PMS2: variants seen among roughly 807,000 people sequenced by gnomAD.
The protein encoded by PMS2 is PMS1 homolog 2, mismatch repair system component, also known as mismatch repair endonuclease PMS2.
Under a neutral mutation model 90.0 loss-of-function variants are expected in PMS2, and 69 were observed. The observed-to-expected ratio is 0.77, with a 90% CI of 0.63 to 0.94. The LOEUF is 0.94. PMS2 is among the 40% of genes least tolerant of loss of function. The probability of loss-of-function intolerance (pLI) is 0.00; values close to 1 mark genes in which losing one functional copy is unlikely to be tolerated. For missense variants in PMS2, 966 were observed against 1,040.2 expected, an observed-to-expected ratio of 0.93 and a Z score of 0.98; for synonymous variants, 332 against 375.1, an observed-to-expected ratio of 0.89 and a Z score of 1.33.
At chr7:5,976,051 C>T (rs570568880) in intron 14 of PMS2, among the ~76,000 whole-genome samples, 2 of 144,774 alleles carry the variant, frequency 1.4e-5, no homozygotes, top group Admixed American at 1.4e-4. Context: ...CCAGCCTGAC[C>T]AACATGGTGA....
rs1583363851 is a variant in PMS2, at chr7:5,995,575, G to A, written c.862C>T (p.Gln288Ter). 4 of 1,614,006 alleles carry A rather than the reference G, an allele frequency of 2.5e-6. No homozygotes were observed. The highest frequency in any genetic ancestry group is 1.6e-4 in the Middle Eastern group (1 of 6,062). ...HGVGRSSTDR[Q>*]FFFINRRPCD... The stretch of plus-strand genomic sequence containing the variant: ...GGCCGCCGGTTGATAAAGAAAAACT[G>A]TCTGTCTGTTGAACTCCTTCCAACT... Residue 288 changes from glutamine (Q) to a stop codon, truncating the protein, a stop_gained, in exon 8 of 15, where the codon CAG becomes TAG. Coordinates refer to ENST00000265849, the MANE Select transcript of PMS2 (RefSeq NM_000535.7). LOFTEE classifies it high-confidence loss of function.
intron 9 of PMS2, 58 bp downstream of exon 9, chr7:5,991,915 T>C (rs2128754482): frequency 2.4e-6 from 2 of 848,394 alleles, no homozygotes; most frequent in South Asian, 2.7e-5. Context: ...CTGTAGAATT[T>C]CATTTTATTC....
chr7:5,994,499 C>T (rs1463909116), intron 8 of PMS2, among the ~76,000 whole-genome samples: 8 of 151,960 alleles, frequency 5.3e-5, no homozygotes, highest in East Asian at 1.9e-4. Flanking sequence ...ATCTGCTGGG[C>T]GCGGTGGCTC....
At chr7:6,007,502 C>T (rs1785942089) in intron 1 of PMS2, among the ~76,000 whole-genome samples, 2 of 152,170 alleles carry the variant, frequency 1.3e-5, no homozygotes, top group Non-Finnish European at 1.5e-5. Flanking sequence ...GTCTAAACCG[C>T]TCTCCTCTTC....
At chr7:5,979,889 C>A (rs1257096556) in intron 12 of PMS2, among the ~76,000 whole-genome samples, 1 of 106,428 alleles carries the variant, frequency 9.4e-6, no homozygotes, top group African/African-American at 3.3e-5. Context: ...AGGCTTGGTC[C>A]TGGAGCCAAC....
At chr7:5,994,745 C>T (rs1374718454) in intron 8 of PMS2, among the ~76,000 whole-genome samples, 1 of 151,634 alleles carries the variant, frequency 6.6e-6, no homozygotes, top group African/African-American at 2.4e-5. Flanking sequence ...CACTGCACTC[C>T]AGCCTGGGTG....
At position 5,997,375 on chromosome 7, in the gene PMS2, ACACGGAGT is replaced by A. The variant is rs587782710; in HGVS notation, c.746_753del (p.Asp249ValfsTer2). The A allele has an allele frequency of 6.2e-7, 1 of 1,608,122 alleles. No homozygotes were observed. The highest frequency in any genetic ancestry group is 2.2e-5 in the East Asian group (1 of 44,812). The stretch of plus-strand genomic sequence containing the variant: ...GAACAGCTCAAACCGTACTCTTCAC[ACACGGAGT>A]CACTAGGGGGCAGCTGAACAAAAGG... On this transcript the variant is annotated frameshift_variant, in exon 7 of 15. Coordinates refer to ENST00000265849, the MANE Select transcript of PMS2 (RefSeq NM_000535.7). LOFTEE classifies it high-confidence loss of function.
At position 6,003,304 on chromosome 7, in the gene PMS2, A is replaced by AAG. The variant is rs1222559460; in HGVS notation, c.353+384_353+385dup. ...GAGAGACTCTGTCTAAAAAAAAAAA[A>AAG]AGATATATATATATATATATAATTA... is the stretch of plus-strand genomic sequence containing the variant. On this transcript the variant is annotated intron_variant, in intron 4 of 14. Coordinates refer to ENST00000265849, the MANE Select transcript of PMS2 (RefSeq NM_000535.7). 24 of 117,182 alleles carry AAG rather than the reference A, an allele frequency of 2.0e-4. 1 individual carries two copies. In the East Asian group the frequency reaches 7.0e-3, roughly 34 times the overall value. 7.3% of individuals were successfully genotyped at this position (117,182 alleles called of 1,614,324 possible).
At chr7:5,986,699 T>C in intron 11 of PMS2, 60 bp downstream of exon 11, 4 of 1,329,754 alleles carry the variant, frequency 3.0e-6, no homozygotes, top group Non-Finnish European at 4.1e-6. Flanking sequence ...CTCAAAAAAA[T>C]AAAAAATAAA....
chr7:5,997,402 C>T lies in PMS2; in HGVS notation c.727G>A (p.Val243Ile). 6.6e-7 allele frequency: 1 copy of T among 1,517,866 alleles called. No homozygotes were observed. Among genetic ancestry groups the T allele is most frequent in the Non-Finnish European group, 8.9e-7 (1 of 1,118,092 alleles). The allele number at this position is 1,517,866 out of a possible 1,614,324, so 94.0% of individuals were successfully genotyped here. The change falls in exon 7 of 15, where the codon GTT becomes ATT. Residue 243 changes from valine (V) to isoleucine (I), a missense_variant. Physicochemically the swap from Val to Ile is conservative, Grantham distance 29. Transcript: ENST00000265849. ...QKQLQSLIPFVQLPPSDSVCE... is the reference protein window; with the variant it reads ...QKQLQSLIPFIQLPPSDSVCE... The stretch of plus-strand genomic sequence containing the variant: ...ACGGAGTCACTAGGGGGCAGCTGAA[C>T]AAAAGGAATGAGGCTTTGCAACTGA...
intron 9 of PMS2, among the ~76,000 whole-genome samples, chr7:5,991,286 GAGAA>G (rs1440706327): frequency 6.6e-5 from 10 of 151,768 alleles, no homozygotes; most frequent in African/African-American, 1.5e-4. Flanking sequence ...GGGAGAGAGA[GAGAA>G]AGAGAGAGAG....
At position 5,982,889 on chromosome 7, in the gene PMS2, C is replaced by T. The variant is rs775355718; in HGVS notation, c.2109G>A (p.Thr703=). Residue 703 remains threonine (T), a synonymous_variant, in exon 12 of 15, where the codon ACG becomes ACA. Coordinates refer to ENST00000265849, the MANE Select transcript of PMS2 (RefSeq NM_000535.7). ...EDIFIVDQHA[T]DEKYNFEMLQ... ...GCATCTCGAAGTTATACTTCTCGTC[C>T]GTGGCATGCTGGTCCACTATGAAGA... is the stretch of plus-strand genomic sequence containing the variant. 7.5e-6 allele frequency: 12 copies of T among 1,603,380 alleles called. No homozygotes were observed. The highest frequency in any genetic ancestry group is 6.7e-5 in the African/African-American group (5 of 74,140).
At chr7:5,995,043 T>C (rs1268858835) in intron 8 of PMS2, among the ~76,000 whole-genome samples, 4 of 151,874 alleles carry the variant, frequency 2.6e-5, no homozygotes, top group African/African-American at 9.7e-5. Flanking sequence ...AAAAAATATA[T>C]ATATATTTTT....
chr7:6,003,955 AG>A lies in PMS2; in HGVS notation c.250+16del, dbSNP rs1583409964. The A allele has an allele frequency of 6.6e-7, 1 of 1,515,470 alleles. No individual in the cohort carries two copies. The highest frequency in any genetic ancestry group is 2.3e-5 in the East Asian group (1 of 44,424). The allele number at this position is 1,515,470 out of a possible 1,614,324, so 93.9% of individuals were successfully genotyped here. ...GACCCAATTATTTTATAATAGGATT[AG>A]AAAAAGTCAACTTACTTAAGCCTTC... is the stretch of plus-strand genomic sequence containing the variant. On this transcript the variant is annotated intron_variant, in intron 3 of 14. Coordinates refer to ENST00000265849, the MANE Select transcript of PMS2 (RefSeq NM_000535.7).
chr7:6,001,887 G>A (rs1785124514), intron 5 of PMS2: 1 of 152,082 alleles, frequency 6.6e-6, no homozygotes, highest in Non-Finnish European at 1.5e-5. Context: ...CAGCTACTCA[G>A]AAGGCTGAGG....
rs1562654925 is a variant in PMS2, at chr7:5,993,274, G to A, written c.904-1217C>T. 2.0e-5 allele frequency among the ~76,000 whole-genome samples: 3 copies of A among 151,308 alleles called. No homozygotes were observed. In the Admixed American group the frequency reaches 2.0e-4, roughly 10 times the overall value. ...TAATCCCAGCTACTTGAGAGGCTGA[G>A]GCAGGAGAATTGCTTGAACCTGGGA... is the stretch of plus-strand genomic sequence containing the variant. On this transcript the variant is annotated intron_variant, in intron 8 of 14. Transcript: ENST00000265849.
rs1356370465 is a variant in PMS2, at chr7:5,973,193, G to A, written c.*206C>T. 1.5e-5 allele frequency: 7 copies of A among 461,246 alleles called. No homozygotes were observed. The highest frequency in any genetic ancestry group is 2.4e-5 in the Non-Finnish European group (6 of 250,224). The allele number at this position is 461,246 out of a possible 1,614,324, so 28.6% of individuals were successfully genotyped here. ...TGTTCTTGCCTGGACACACACACAC[G>A]AGCGCATGCAAACATAGAGAAAAAA... On this transcript the variant is annotated 3_prime_UTR_variant, in exon 15 of 15. Transcript: ENST00000265849.
intron 5 of PMS2, 86 bp from the exon 6 acceptor site, chr7:5,999,361 G>T: frequency 8.5e-7 from 1 of 1,170,990 alleles, no homozygotes. Flanking sequence ...CCAACGCAAG[G>T]TTCTCACATC....
Position 5,997,419 on chromosome 7 carries a change from T to A in PMS2, c.710A>T (p.Gln237Leu), listed in dbSNP as rs587780061. 2 of 1,533,428 alleles carry A rather than the reference T, an allele frequency of 1.3e-6. No individual in the cohort carries two copies. Among genetic ancestry groups the A allele is most frequent in the Non-Finnish European group, 8.9e-7 (1 of 1,126,162 alleles). 95.0% of individuals were successfully genotyped at this position (1,533,428 alleles called of 1,614,324 possible). ...IGSVFGQKQL[Q>L]SLIPFVQLPP... Reference sequence around the variant, plus strand: ...CAGCTGAACAAAAGGAATGAGGCTTTGCAACTGAAAAAAAAAAAAAAAAAT... The same window carrying A: ...CAGCTGAACAAAAGGAATGAGGCTTAGCAACTGAAAAAAAAAAAAAAAAAT... Residue 237 changes from glutamine (Q) to leucine (L), a missense_variant, in exon 7 of 15, where the codon CAA becomes CTA. Coordinates refer to ENST00000265849, the MANE Select transcript of PMS2 (RefSeq NM_000535.7).
Sources: gnomAD v4.1 joint callset for allele counts (sites outside exome capture counted in the v4.1 genomes callset) on GRCh38, gnomAD v4.1.1 for gene constraint, MANE v1.5 for transcripts, NCBI Gene and HGNC (gene_info 2026-07-23, HGNC 2026-07-21) for gene names.